The following FCHSD2 variants were observed in gnomAD, a reference collection of about 807,000 sequenced individuals.
The protein encoded by FCHSD2 is FCH and double SH3 domains 2.
A neutral mutation model predicts 108.1 loss-of-function variants in FCHSD2; 38 were observed. That is an observed-to-expected ratio of 0.35 (90% CI 0.27 to 0.46). The LOEUF (loss-of-function observed/expected upper bound fraction) is 0.46. Ranked by LOEUF, FCHSD2 falls within the 20% of genes least tolerant of loss-of-function variation. The pLI, the probability that FCHSD2 is intolerant of heterozygous loss-of-function variation, is 1.00. For missense variants in FCHSD2, 751 were observed against 897.8 expected (o/e 0.84, Z 2.09); for synonymous variants, 279 against 314.7 (o/e 0.89, Z 1.20).
intron 9 of FCHSD2, among the ~76,000 whole-genome samples, chr11:72,910,089 G>C (rs1855728395): frequency 6.9e-6 from 1 of 144,524 alleles, no homozygotes; most frequent in Non-Finnish European, 1.5e-5. Flanking sequence ...GGGAGGTGAG[G>C]AGCCCCTCTG....
At chr11:72,985,159 T>C (rs1399299475) in intron 6 of FCHSD2, 43 bp from the exon 7 acceptor site, 8 of 539,942 alleles carry the variant, frequency 1.5e-5, no homozygotes, top group African/African-American at 1.2e-4. Context: ...AATCATCTAA[T>C]TATATCACAA....
chr11:73,046,137 C>T (rs1858760145), intron 3 of FCHSD2, among the ~76,000 whole-genome samples: 1 of 151,962 alleles, frequency 6.6e-6, no homozygotes. Flanking sequence ...ACTAAAGACA[C>T]ACACCATGAT....
intron 8 of FCHSD2, among the ~76,000 whole-genome samples, chr11:72,933,436 T>C (rs796104597): frequency 5.3e-5 from 8 of 152,296 alleles, no homozygotes; most frequent in African/African-American, 1.9e-4. Flanking sequence ...AATTGGGTAG[T>C]TCTTGAGCAA....
chr11:72,897,492 A>G lies in FCHSD2; in HGVS notation c.924+5051T>C, dbSNP rs926564985. On this transcript the variant is annotated intron_variant, in intron 10 of 19. Transcript: ENST00000409418. Reference sequence around the variant, plus strand: ...AATATATGAAGGATGTGCACAGGTTATATGCAAATATTACATCATTTTATA... The same window carrying G: ...AATATATGAAGGATGTGCACAGGTTGTATGCAAATATTACATCATTTTATA... Among the ~76,000 whole-genome samples the G allele has an allele frequency of 1.1e-4, 17 of 152,210 alleles. No individual in the cohort carries two copies. In the East Asian group the frequency reaches 3.1e-3, roughly 28 times the overall value.
At chr11:73,005,561 C>A (rs1433345943) in intron 4 of FCHSD2, among the ~76,000 whole-genome samples, 1 of 152,190 alleles carries the variant, frequency 6.6e-6, no homozygotes, top group Admixed American at 6.5e-5. Flanking sequence ...TACTGGAGTG[C>A]CCTCAAGTCA....
At chr11:72,993,647 C>G (rs905005700) in intron 5 of FCHSD2, among the ~76,000 whole-genome samples, 30 of 151,866 alleles carry the variant, frequency 2.0e-4, no homozygotes, top group Non-Finnish European at 3.7e-4. Flanking sequence ...TCTCAGCAGA[C>G]TATCGCAAGG....
At chr11:73,115,925 G>T (rs906995922) in intron 2 of FCHSD2, among the ~76,000 whole-genome samples, 16 of 152,322 alleles carry the variant, frequency 1.1e-4, no homozygotes, top group Non-Finnish European at 1.9e-4. Context: ...ATTAACATTT[G>T]ATTAAATAGC....
chr11:73,131,423 G>C (rs944454352), intron 2 of FCHSD2, among the ~76,000 whole-genome samples: 28 of 152,090 alleles, frequency 1.8e-4, no homozygotes, highest in African/African-American at 6.5e-4. Context: ...CACCTACTCA[G>C]GAGGCTGAGG....
intron 8 of FCHSD2, among the ~76,000 whole-genome samples, chr11:72,971,948 T>C (rs936791569): frequency 2.6e-5 from 4 of 152,172 alleles, no homozygotes; most frequent in Non-Finnish European, 4.4e-5. Flanking sequence ...TAGATATTGA[T>C]TGCAATTATG....
At chr11:72,958,442 C>G (rs1856755864) in intron 8 of FCHSD2, among the ~76,000 whole-genome samples, 1 of 152,100 alleles carries the variant, frequency 6.6e-6, no homozygotes, top group Non-Finnish European at 1.5e-5. Flanking sequence ...CACTGGAACC[C>G]AGGAGGCGGA....
intron 3 of FCHSD2, among the ~76,000 whole-genome samples, chr11:73,057,861 G>A (rs936927734): frequency 1.4e-4 from 21 of 151,904 alleles, no homozygotes; most frequent in African/African-American, 5.1e-4. Flanking sequence ...TAAGCCTCCA[G>A]GACTGCCAAT....
chr11:72,966,329 T>A (rs1053739801), intron 8 of FCHSD2, among the ~76,000 whole-genome samples: 3 of 152,078 alleles, frequency 2.0e-5, no homozygotes, highest in Non-Finnish European at 4.4e-5. Context: ...TCAGCTAATT[T>A]TTGCATTTTT....
intron 8 of FCHSD2, among the ~76,000 whole-genome samples, chr11:72,963,449 A>T (rs1022374125): frequency 4.6e-5 from 7 of 152,218 alleles, no homozygotes; most frequent in African/African-American, 1.4e-4. Flanking sequence ...CAAAACTGGT[A>T]AGCAGTGAAA....
chr11:73,061,197 G>A (rs1318401228), intron 3 of FCHSD2, among the ~76,000 whole-genome samples: 2 of 152,218 alleles, frequency 1.3e-5, no homozygotes, highest in African/African-American at 4.8e-5. Context: ...CCTCACCTGG[G>A]AAGCACAAAG....
intron 2 of FCHSD2, among the ~76,000 whole-genome samples, chr11:73,137,802 G>A (rs1400289549): frequency 1.3e-5 from 2 of 152,218 alleles, no homozygotes; most frequent in Admixed American, 6.5e-5. Context: ...AGTGACCAGA[G>A]CAGGGGGAAG....
chr11:72,997,991 C>G (rs571267844), intron 5 of FCHSD2, among the ~76,000 whole-genome samples: 1 of 152,244 alleles, frequency 6.6e-6, no homozygotes, highest in East Asian at 1.9e-4. Flanking sequence ...CCACTCCCGT[C>G]CCCAAAAGAT....
At chr11:72,935,051 T>C (rs889126012) in intron 8 of FCHSD2, among the ~76,000 whole-genome samples, 7 of 152,166 alleles carry the variant, frequency 4.6e-5, no homozygotes, top group Non-Finnish European at 7.3e-5. Context: ...TTAAAATCAG[T>C]TGAGTTTGGA....
intron 3 of FCHSD2, among the ~76,000 whole-genome samples, chr11:73,037,707 T>C (rs1388178646): frequency 6.6e-6 from 1 of 152,228 alleles, no homozygotes; most frequent in Non-Finnish European, 1.5e-5. Context: ...ATTGATAGTA[T>C]ATATTTGTAA....
At chr11:73,096,413 T>C (rs1486562329) in intron 2 of FCHSD2, among the ~76,000 whole-genome samples, 1 of 144,034 alleles carries the variant, frequency 6.9e-6, no homozygotes, top group African/African-American at 2.6e-5. Flanking sequence ...TAGCCAGATG[T>C]GGTGGCGGGC....
Sources: allele counts gnomAD v4.1 joint callset (sites outside exome capture counted in the v4.1 genomes callset), GRCh38; gene constraint gnomAD v4.1.1; transcripts MANE v1.5; gene names NCBI Gene and HGNC (gene_info 2026-07-23, HGNC 2026-07-21).